Variants in TMEM132D observed in about 807,000 individuals in gnomAD.
The protein encoded by TMEM132D is mature OL transmembrane protein.
TMEM132D carries 21 observed loss-of-function variants against 62.3 expected under a neutral mutation model. The ratio of observed to expected loss-of-function variants is 0.34; its 90% confidence interval spans 0.24 to 0.49. The LOEUF (loss-of-function observed/expected upper bound fraction) is 0.49. Among genes scored for constraint, TMEM132D ranks in the 20% least tolerant of loss-of-function variants. The pLI is 0.99. For missense variants in TMEM132D, 1,346 were observed against 1,402.8 expected (o/e 0.96, Z 0.65); for synonymous variants, 621 against 575.6 (o/e 1.08, Z -1.13).
chr12:129,776,788 CAA>C (rs148740560), intron 1 of TMEM132D, among the ~76,000 whole-genome samples: 6,253 of 68,394 alleles, frequency 0.091, 176 homozygotes, highest in South Asian at 0.18. Context: ...TAATGGGCTT[CAA>C]AAAAAAAAAA....
At chr12:129,322,489 A>G (rs549477043) in intron 4 of TMEM132D, among the ~76,000 whole-genome samples, 1 of 152,018 alleles carries the variant, frequency 6.6e-6, no homozygotes, top group Admixed American at 6.6e-5. Context: ...AACTGTCCAG[A>G]CACTTAATAA....
intron 5 of TMEM132D, among the ~76,000 whole-genome samples, chr12:129,167,020 C>T (rs111278187): frequency 0.072 from 10,855 of 151,712 alleles, 880 homozygotes; most frequent in African/African-American, 0.19. Flanking sequence ...AAAAATTAGG[C>T]ATGTTGGTGC....
At chr12:129,260,943 T>C (rs1880534455) in intron 4 of TMEM132D, among the ~76,000 whole-genome samples, 1 of 152,198 alleles carries the variant, frequency 6.6e-6, no homozygotes, top group Non-Finnish European at 1.5e-5. Context: ...TCCATATCTT[T>C]GCAATTGCAA....
At chr12:129,106,713 G>A (rs77421965) in intron 5 of TMEM132D, among the ~76,000 whole-genome samples, 10,623 of 152,174 alleles carry the variant, frequency 0.07, 1,075 homozygotes, top group African/African-American at 0.22. Flanking sequence ...TGGTATGGTC[G>A]TGTGGCGTGC....
intron 3 of TMEM132D, among the ~76,000 whole-genome samples, chr12:129,490,671 T>A (rs1443128169): frequency 7.1e-6 from 1 of 140,794 alleles, no homozygotes; most frequent in African/African-American, 2.7e-5. Context: ...GCCAGGATGG[T>A]CTCCATCTCC....
chr12:129,400,088 A>C (rs977922977), intron 3 of TMEM132D, among the ~76,000 whole-genome samples: 1 of 152,114 alleles, frequency 6.6e-6, no homozygotes, highest in South Asian at 2.1e-4. Flanking sequence ...ATATGGTTTC[A>C]TCTAGTATTT....
intron 4 of TMEM132D, among the ~76,000 whole-genome samples, chr12:129,319,751 C>G (rs971067889): frequency 6.6e-6 from 1 of 152,032 alleles, no homozygotes; most frequent in African/African-American, 2.4e-5. Flanking sequence ...GTCCCAGAAC[C>G]CTTGGTATTC....
chr12:129,397,480 G>A (rs765503289), intron 3 of TMEM132D, among the ~76,000 whole-genome samples: 4 of 152,228 alleles, frequency 2.6e-5, no homozygotes, highest in Non-Finnish European at 1.5e-5. Flanking sequence ...TCTGGAAAGC[G>A]ATCACACTGG....
At chr12:129,662,791 CAAA>C (rs34743737) in intron 2 of TMEM132D, among the ~76,000 whole-genome samples, 9 of 69,404 alleles carry the variant, frequency 1.3e-4, no homozygotes, top group African/African-American at 4.3e-4. Flanking sequence ...GATTCCATCT[CAAA>C]AAAAAAAAAA....
intron 2 of TMEM132D, among the ~76,000 whole-genome samples, chr12:129,576,905 G>A (rs143414377): frequency 2.6e-5 from 4 of 151,862 alleles, no homozygotes; most frequent in East Asian, 1.9e-4. Context: ...AGTATTTATC[G>A]ATACTGTACG....
chr12:129,450,587 C>T (rs1379758964), intron 3 of TMEM132D, among the ~76,000 whole-genome samples: 1 of 152,046 alleles, frequency 6.6e-6, no homozygotes, highest in Non-Finnish European at 1.5e-5. Flanking sequence ...CAGTACTATG[C>T]TTCAAAAAAT....
intron 3 of TMEM132D, among the ~76,000 whole-genome samples, chr12:129,530,838 C>G (rs189489806): frequency 6.6e-6 from 1 of 152,000 alleles, no homozygotes; most frequent in Non-Finnish European, 1.5e-5. Flanking sequence ...GCAGGTGATA[C>G]GGTGCTCTGC....
intron 2 of TMEM132D, among the ~76,000 whole-genome samples, chr12:129,624,123 C>T (rs1879151092): frequency 6.6e-6 from 1 of 152,152 alleles, no homozygotes; most frequent in South Asian, 2.1e-4. Context: ...AACTATAGAG[C>T]AGAGACTACA....
chr12:129,153,908 A>G (rs1459803936), intron 5 of TMEM132D, among the ~76,000 whole-genome samples: 1 of 152,110 alleles, frequency 6.6e-6, no homozygotes, highest in Non-Finnish European at 1.5e-5. Context: ...ACTGATCAGG[A>G]GCGTGGGACA....
intron 4 of TMEM132D, among the ~76,000 whole-genome samples, chr12:129,292,838 A>G (rs1881483133): frequency 6.6e-6 from 1 of 152,216 alleles, no homozygotes; most frequent in Admixed American, 6.5e-5. Context: ...TCGATTTCCA[A>G]AAGTCTAGAA....
intron 2 of TMEM132D, among the ~76,000 whole-genome samples, chr12:129,697,780 G>A (rs1881241261): frequency 6.6e-6 from 1 of 152,102 alleles, no homozygotes; most frequent in South Asian, 2.1e-4. Context: ...ATTTCTCTTG[G>A]TTTTGTTACA....
At chr12:129,105,094 G>A (rs1317163394) in intron 5 of TMEM132D, among the ~76,000 whole-genome samples, 4 of 96,388 alleles carry the variant, frequency 4.1e-5, no homozygotes, top group East Asian at 8.0e-4. Flanking sequence ...ACATGCACAC[G>A]TATGTTTATT....
intron 3 of TMEM132D, among the ~76,000 whole-genome samples, chr12:129,467,133 C>T (rs2172326): frequency 0.19 from 28,729 of 152,074 alleles, 3,085 homozygotes; most frequent in Non-Finnish European, 0.24. Flanking sequence ...AAAATAAGTA[C>T]TGTTTTTGTA....
At chr12:129,619,271 T>G (rs1879001091) in intron 2 of TMEM132D, among the ~76,000 whole-genome samples, 1 of 152,156 alleles carries the variant, frequency 6.6e-6, no homozygotes, top group Admixed American at 6.5e-5. Flanking sequence ...GAATTTTATT[T>G]TTGGTGTACA....
Sources: gnomAD v4.1 joint callset for allele counts (sites outside exome capture counted in the v4.1 genomes callset) on GRCh38, gnomAD v4.1.1 for gene constraint, MANE v1.5 for transcripts, NCBI Gene and HGNC (gene_info 2026-07-23, HGNC 2026-07-21) for gene names.